Variants in DENND1B observed in about 807,000 individuals in gnomAD.
DENND1B encodes the protein DENN domain-containing protein 1B.
DENND1B carries 59 observed loss-of-function variants against 90.1 expected under a neutral mutation model. The observed-to-expected ratio is 0.65, with a 90% CI of 0.53 to 0.81. The LOEUF is 0.81. DENND1B is among the 40% of genes least tolerant of loss of function. The pLI is 0.00. For missense variants in DENND1B, 862 were observed against 912.6 expected (o/e 0.94, Z 0.71); for synonymous variants, 337 against 324.6 (o/e 1.04, Z -0.41).
chr1:197,676,339 AT>A (rs1343359320), intron 3 of DENND1B, among the ~76,000 whole-genome samples: 1 of 152,150 alleles, frequency 6.6e-6, no homozygotes, highest in Non-Finnish European at 1.5e-5. Flanking sequence ...AATAGTATTA[AT>A]TGAAAATTAT....
rs180939198 is a variant in DENND1B at position 197,577,667 on chromosome 1, A to T, written c.1149+5485T>A. Among the ~76,000 whole-genome samples the T allele has an allele frequency of 5.3e-3, 809 of 152,304 alleles. 7 individuals are homozygous for T. Among genetic ancestry groups the T allele is most frequent in the African/African-American group, 0.018 (753 of 41,560 alleles). The stretch of plus-strand genomic sequence containing the variant: ...TAAGAGACCTGAAAATAATGGCTTA[A>T]GTCTTTGTAAAGCTGCTAGCTAAAG... On this transcript the variant is annotated intron_variant, in intron 15 of 22. Coordinates refer to ENST00000620048, the MANE Select transcript of DENND1B (RefSeq NM_001195215.2).
At chr1:197,561,583 C>T (rs79023114) in intron 15 of DENND1B, among the ~76,000 whole-genome samples, 1,739 of 151,848 alleles carry the variant, frequency 0.011, 54 homozygotes, top group Admixed American at 0.063. Context: ...GTATATACCT[C>T]CAGTCCAGTA....
At chr1:197,572,870 C>T (rs887115678) in intron 15 of DENND1B, among the ~76,000 whole-genome samples, 1 of 152,178 alleles carries the variant, frequency 6.6e-6, no homozygotes, top group Non-Finnish European at 1.5e-5. Flanking sequence ...GGAACAGCAT[C>T]AACATCAACA....
chr1:197,643,259 A>G (rs1346813403), intron 9 of DENND1B, among the ~76,000 whole-genome samples: 3 of 150,966 alleles, frequency 2.0e-5, no homozygotes, highest in Non-Finnish European at 4.4e-5. Context: ...GGTTCAGGTG[A>G]TTTTCGTGCT....
intron 2 of DENND1B, among the ~76,000 whole-genome samples, chr1:197,763,361 G>T (rs1655335494): frequency 6.6e-6 from 1 of 152,006 alleles, no homozygotes; most frequent in African/African-American, 2.4e-5. Context: ...TAAAAGAAAG[G>T]AATTTAACAA....
chr1:197,609,481 G>A (rs1178214969), intron 12 of DENND1B, among the ~76,000 whole-genome samples: 1 of 150,492 alleles, frequency 6.6e-6, no homozygotes, highest in African/African-American at 2.4e-5. Flanking sequence ...TCTGCCTTGA[G>A]TTCATCCCCA....
Position 197,512,894 on chromosome 1 carries a change from A to T in DENND1B, c.1575T>A (p.Asp525Glu), listed in dbSNP as rs773927093. Residue 525 changes from aspartate to glutamate, a missense_variant, in exon 21 of 23, where the codon GAT (aspartate) becomes GAA (glutamate). Transcript: ENST00000620048. ...ACTTGCTTGCTCTTTCAATGTCATC[A>T]TCATCTTCATCATCATATAGAGCAC... ...LDGALYDDED[D>E]DDIERASKLS... 6.2e-7 allele frequency: 1 copy of T among 1,610,720 alleles called. No individual in the cohort carries two copies. Among genetic ancestry groups the T allele is most frequent in the South Asian group, 1.1e-5 (1 of 90,924 alleles).
At chr1:197,740,322 GT>G (rs1310495759) in intron 2 of DENND1B, among the ~76,000 whole-genome samples, 1 of 152,126 alleles carries the variant, frequency 6.6e-6, no homozygotes, top group East Asian at 1.9e-4. Flanking sequence ...AAAGGATGAG[GT>G]TAGAAATGTA....
intron 15 of DENND1B, among the ~76,000 whole-genome samples, chr1:197,564,276 T>C (rs1458535120): frequency 5.9e-5 from 9 of 151,384 alleles, no homozygotes; most frequent in East Asian, 1.9e-4. Flanking sequence ...TAGGAGTCAA[T>C]TGATGTGGCA....
intron 15 of DENND1B, among the ~76,000 whole-genome samples, chr1:197,564,208 C>T (rs918325450): frequency 6.6e-6 from 1 of 151,754 alleles, no homozygotes; most frequent in African/African-American, 2.4e-5. Flanking sequence ...AGAAGTTCTA[C>T]TGTGGATAAA....
chr1:197,695,069 GC>G (rs1415751893), intron 3 of DENND1B, among the ~76,000 whole-genome samples: 1 of 151,142 alleles, frequency 6.6e-6, no homozygotes, highest in Non-Finnish European at 1.5e-5. Context: ...TAAAATTTTA[GC>G]AGTAGAGAAT....
At chr1:197,734,506 T>C (rs950460920) in intron 2 of DENND1B, 12 of 975,054 alleles carry the variant, frequency 1.2e-5, no homozygotes, top group South Asian at 9.5e-5. Context: ...TAAGCTCATA[T>C]TGAAATCTAA....
At chr1:197,701,034 T>C (rs1461023260) in intron 3 of DENND1B, among the ~76,000 whole-genome samples, 1 of 152,112 alleles carries the variant, frequency 6.6e-6, no homozygotes, top group Non-Finnish European at 1.5e-5. Flanking sequence ...TCCTCAAGGA[T>C]CTAGAACCAG....
intron 2 of DENND1B, among the ~76,000 whole-genome samples, chr1:197,721,180 C>T (rs1661140990): frequency 6.6e-6 from 1 of 151,018 alleles, no homozygotes. Flanking sequence ...TGCCATTCTC[C>T]TGCCTCAGTC....
Position 197,676,627 on chromosome 1 carries a change from G to A in DENND1B, c.127-2458C>T, listed in dbSNP as rs1327540424. On this transcript the variant is annotated intron_variant, in intron 3 of 22. Transcript: ENST00000620048. ...AATATTTTATTTTTATGCCAAAAGA[G>A]TATATTGGCTAACACATGTCAAATG... is the stretch of plus-strand genomic sequence containing the variant. 2.0e-5 allele frequency among the ~76,000 whole-genome samples: 3 copies of A among 152,042 alleles called. No homozygotes were observed. The East Asian group carries it at 5.8e-4, about 29-fold the overall frequency.
At chr1:197,571,707 T>C (rs1234590092) in intron 15 of DENND1B, among the ~76,000 whole-genome samples, 1 of 152,198 alleles carries the variant, frequency 6.6e-6, no homozygotes, top group Non-Finnish European at 1.5e-5. Flanking sequence ...TCTCAAGTGC[T>C]TGGAGTAGCA....
At chr1:197,691,260 C>CAA (rs35506280) in intron 3 of DENND1B, among the ~76,000 whole-genome samples, 5 of 108,664 alleles carry the variant, frequency 4.6e-5, no homozygotes, top group African/African-American at 6.6e-5. Flanking sequence ...AACTTAACAG[C>CAA]AAAAAAAAAA....
chr1:197,545,858 C>A, intron 18 of DENND1B, 64 bp downstream of exon 18: 1 of 1,336,246 alleles, frequency 7.5e-7, no homozygotes, highest in South Asian at 1.3e-5. Flanking sequence ...ATTTATATGT[C>A]TATCACCTAG....
At chr1:197,672,664 CTT>C (rs1655630693) in intron 4 of DENND1B, among the ~76,000 whole-genome samples, 1 of 151,936 alleles carries the variant, frequency 6.6e-6, no homozygotes, top group Non-Finnish European at 1.5e-5. Flanking sequence ...CAAAAATACC[CTT>C]GTTATATTTT....
Sources: gnomAD v4.1 joint callset for allele counts (sites outside exome capture counted in the v4.1 genomes callset) on GRCh38, gnomAD v4.1.1 for gene constraint, MANE v1.5 for transcripts, NCBI Gene and HGNC (gene_info 2026-07-23, HGNC 2026-07-21) for gene names.